The following WDR41 variants were observed in gnomAD, a reference collection of about 807,000 sequenced individuals.
WDR41 encodes WD repeat domain 41, also known as WD repeat-containing protein 41.
WDR41 carries 63 observed loss-of-function variants against 69.3 expected under a neutral mutation model. The observed-to-expected ratio is 0.91, with a 90% CI of 0.74 to 1.12. The LOEUF (loss-of-function observed/expected upper bound fraction) is 1.12. Among genes scored for constraint, WDR41 ranks in the 50% most tolerant of loss-of-function variants. The pLI is 0.00. For missense variants in WDR41, 543 were observed against 534.5 expected, an observed-to-expected ratio of 1.02 and a Z score of -0.16; for synonymous variants, 185 against 192.1, an observed-to-expected ratio of 0.96 and a Z score of 0.31.
At chr5:77,528,396 A>C (rs1267463427) in intron 1 of WDR41, among the ~76,000 whole-genome samples, 1 of 151,804 alleles carries the variant, frequency 6.6e-6, no homozygotes, top group Non-Finnish European at 1.5e-5. Context: ...AAAGAACATT[A>C]AATCCACCAA....
chr5:77,493,852 G>T (rs1360259988), upstream of WDR41, among the ~76,000 whole-genome samples: 5 of 152,176 alleles, frequency 3.3e-5, no homozygotes, highest in Non-Finnish European at 7.3e-5. Context: ...TTTAGGGTTT[G>T]CCCAATGCCA....
chr5:77,573,540 C>G (rs1452347749), intron 1 of WDR41, among the ~76,000 whole-genome samples: 2 of 152,140 alleles, frequency 1.3e-5, no homozygotes, highest in African/African-American at 4.8e-5. Flanking sequence ...TAGATCTTCC[C>G]CTACTAACTC....
intron 1 of WDR41, among the ~76,000 whole-genome samples, chr5:77,535,190 C>T (rs1489051778): frequency 6.6e-6 from 1 of 152,058 alleles, no homozygotes; most frequent in Non-Finnish European, 1.5e-5. Flanking sequence ...TCCTAAATTG[C>T]CCCCCTTATG....
At chr5:77,548,026 G>A (rs962474253) in intron 1 of WDR41, among the ~76,000 whole-genome samples, 1 of 151,376 alleles carries the variant, frequency 6.6e-6, no homozygotes, top group African/African-American at 2.5e-5. Context: ...AAAACATAAA[G>A]TGGGGAAAGG....
chr5:77,615,290 T>C (rs1744657509), intron 1 of WDR41, among the ~76,000 whole-genome samples: 1 of 152,198 alleles, frequency 6.6e-6, no homozygotes, highest in African/African-American at 2.4e-5. Context: ...GATTAAATAC[T>C]AAAAATATAT....
chr5:77,524,317 G>A lies in WDR41; in HGVS notation c.43-34745C>T, dbSNP rs564844118. 3.9e-5 allele frequency among the ~76,000 whole-genome samples: 6 copies of A among 152,290 alleles called. No individual in the cohort carries two copies. The East Asian group carries it at 7.7e-4, about 20-fold the overall frequency. ...GAAATAATAAATCAGGCCAAGTGCG[G>A]TGGCACACACCTGTAATCCCAGCAC... On this transcript the variant is annotated intron_variant, in intron 1 of 5. Transcript: ENST00000509971.
intron 1 of WDR41, among the ~76,000 whole-genome samples, chr5:77,608,076 G>T (rs374566712): frequency 2.0e-5 from 3 of 152,000 alleles, no homozygotes; most frequent in Non-Finnish European, 2.9e-5. Flanking sequence ...AATAACTCCC[G>T]ATTCTCCCCC....
At chr5:77,587,919 G>A (rs1037570274) in intron 1 of WDR41, among the ~76,000 whole-genome samples, 3 of 152,164 alleles carry the variant, frequency 2.0e-5, no homozygotes, top group African/African-American at 7.2e-5. Flanking sequence ...AAAGGCTTCA[G>A]AGGAAACCAG....
intron 2 of WDR41, among the ~76,000 whole-genome samples, chr5:77,472,963 G>A (rs1312291021): frequency 6.6e-6 from 1 of 152,166 alleles, no homozygotes; most frequent in Non-Finnish European, 1.5e-5. Context: ...GCATTGCCAA[G>A]TCAGTCCTAA....
chr5:77,578,864 CAAAAAA>C (rs55920763), intron 1 of WDR41, among the ~76,000 whole-genome samples: 1 of 77,172 alleles, frequency 1.3e-5, no homozygotes, highest in East Asian at 3.5e-4. Context: ...AACTCCATCT[CAAAAAA>C]AAAAAAAAAA....
chr5:77,523,186 C>T (rs774771062), intron 1 of WDR41, among the ~76,000 whole-genome samples: 90 of 151,886 alleles, frequency 5.9e-4, no homozygotes, highest in Non-Finnish European at 9.7e-4. Flanking sequence ...TGATGGTGCA[C>T]GCCTGTAATC....
At chr5:77,478,038 T>G (rs1161143002) in intron 2 of WDR41, among the ~76,000 whole-genome samples, 3 of 152,110 alleles carry the variant, frequency 2.0e-5, no homozygotes, top group Non-Finnish European at 4.4e-5. Context: ...CAGAGAATAT[T>G]ACAGACACCT....
intron 1 of WDR41, chr5:77,545,801 T>C: frequency 9.8e-7 from 1 of 1,021,112 alleles, no homozygotes; most frequent in South Asian, 1.7e-5. Flanking sequence ...GTCTGGGTGT[T>C]AAGTGCTCCA....
chr5:77,441,631 G>A (rs1799171268), intron 8 of WDR41, among the ~76,000 whole-genome samples: 2 of 152,070 alleles, frequency 1.3e-5, no homozygotes, highest in Admixed American at 1.3e-4. Context: ...CCAGCTACTT[G>A]GGAGGTTGAG....
chr5:77,449,796 G>A lies in WDR41; in HGVS notation c.661C>T (p.His221Tyr), dbSNP rs753177162. ...DILEVKRLLDHQDNILSLINV... is the reference protein window; with the variant it reads ...DILEVKRLLDYQDNILSLINV... ...ATCAATGAGAGAATATTATCCTGGT[G>A]ATCAAGGAGGCGCTTAACTTCAAGA... The change falls in exon 8 of 13, where the codon CAC becomes TAC. Residue 221 changes from histidine to tyrosine, a missense_variant. By Grantham distance (83) the His-to-Tyr change is moderately conservative. Coordinates refer to ENST00000296679, the MANE Select transcript of WDR41 (RefSeq NM_018268.4). The A allele has an allele frequency of 6.2e-7, 1 of 1,613,264 alleles. No homozygotes were observed. Among genetic ancestry groups the A allele is most frequent in the East Asian group, 2.2e-5 (1 of 44,846 alleles).
intron 8 of WDR41, among the ~76,000 whole-genome samples, chr5:77,443,460 A>G (rs148143470): frequency 3.2e-4 from 48 of 152,356 alleles, no homozygotes; most frequent in African/African-American, 1.1e-3. Flanking sequence ...CTCCAAGGCC[A>G]TAATAGGTAG....
At chr5:77,490,359 C>T (rs1184009055) in intron 1 of WDR41, among the ~76,000 whole-genome samples, 1 of 152,098 alleles carries the variant, frequency 6.6e-6, no homozygotes, top group Non-Finnish European at 1.5e-5. Flanking sequence ...AGAACTGCCC[C>T]TCTGCAAGGC....
At chr5:77,573,474 C>T (rs1743769330) in intron 1 of WDR41, among the ~76,000 whole-genome samples, 2 of 152,142 alleles carry the variant, frequency 1.3e-5, no homozygotes, top group Admixed American at 1.3e-4. Context: ...TCCAAATATG[C>T]AGAAGAGACC....
At chr5:77,504,771 A>C (rs1383102220) in intron 1 of WDR41, among the ~76,000 whole-genome samples, 1 of 152,124 alleles carries the variant, frequency 6.6e-6, no homozygotes, top group Non-Finnish European at 1.5e-5. Flanking sequence ...CAACAACAAA[A>C]ACCACATGAT....
Sources: gnomAD v4.1 joint callset for allele counts (sites outside exome capture counted in the v4.1 genomes callset) on GRCh38, gnomAD v4.1.1 for gene constraint, MANE v1.5 for transcripts, NCBI Gene and HGNC (gene_info 2026-07-23, HGNC 2026-07-21) for gene names.